Variants in NRXN3 observed in about 807,000 individuals in gnomAD.
The protein encoded by NRXN3 is neurexin 3, also known as neurexin III.
A neutral mutation model predicts 137.6 loss-of-function variants in NRXN3; 32 were observed. That is an observed-to-expected ratio of 0.23 (90% confidence interval 0.18 to 0.31). NRXN3 has a LOEUF of 0.31. NRXN3 is among the 10% of genes least tolerant of loss of function. The pLI is 1.00. For synonymous variants in NRXN3, 798 were observed against 784.5 expected (o/e 1.02, Z -0.29); for missense variants, 1,574 against 2,062.5 (o/e 0.76, Z 4.59).
At chr14:79,419,819 C>A (rs2095550177) in intron 15 of NRXN3, among the ~76,000 whole-genome samples, 1 of 152,172 alleles carries the variant, frequency 6.6e-6, no homozygotes, top group African/African-American at 2.4e-5. Context: ...GTAAACAACT[C>A]TGCACAGTAC....
chr14:78,740,273 C>T (rs1397862560), intron 8 of NRXN3, among the ~76,000 whole-genome samples: 1 of 152,170 alleles, frequency 6.6e-6, no homozygotes, highest in Non-Finnish European at 1.5e-5. Context: ...GTTAAACTGA[C>T]TCCATTTGCC....
intron 17 of NRXN3, among the ~76,000 whole-genome samples, chr14:79,670,568 T>C (rs898267783): frequency 6.6e-6 from 1 of 152,104 alleles, no homozygotes; most frequent in Non-Finnish European, 1.5e-5. Context: ...AAGAAAGTAC[T>C]GGCTAGAGGT....
intron 7 of NRXN3, among the ~76,000 whole-genome samples, chr14:78,711,227 G>A (rs1467633944): frequency 6.6e-6 from 1 of 151,650 alleles, no homozygotes; most frequent in Non-Finnish European, 1.5e-5. Context: ...CCTTACCCGT[G>A]TCTCAGGCAG....
At chr14:79,271,629 A>G (rs1598134750) in intron 15 of NRXN3, among the ~76,000 whole-genome samples, 1 of 146,742 alleles carries the variant, frequency 6.8e-6, no homozygotes, top group East Asian at 2.0e-4. Flanking sequence ...TCTGTATCCC[A>G]TGGAATACCT....
At chr14:78,478,822 A>G (rs897184646) in intron 4 of NRXN3, among the ~76,000 whole-genome samples, 1 of 152,226 alleles carries the variant, frequency 6.6e-6, no homozygotes, top group African/African-American at 2.4e-5. Flanking sequence ...TAGGAAGCTC[A>G]TAGCTGAAGG....
At chr14:78,691,548 T>G (rs2152771655) in intron 6 of NRXN3, among the ~76,000 whole-genome samples, 1 of 152,342 alleles carries the variant, frequency 6.6e-6, no homozygotes, top group South Asian at 2.1e-4. Flanking sequence ...CTTGGCTCTC[T>G]TTGTCCTGGA....
At chr14:78,673,484 A>G (rs1414307700) in intron 6 of NRXN3, among the ~76,000 whole-genome samples, 1 of 152,242 alleles carries the variant, frequency 6.6e-6, no homozygotes, top group African/African-American at 2.4e-5. Context: ...GTTCCAAAAC[A>G]CATGTCAAGT....
At chr14:78,600,939 C>T (rs2097196898) in intron 4 of NRXN3, among the ~76,000 whole-genome samples, 1 of 152,182 alleles carries the variant, frequency 6.6e-6, no homozygotes, top group Non-Finnish European at 1.5e-5. Context: ...CTCCTTTTGC[C>T]TTTTACCACG....
intron 4 of NRXN3, among the ~76,000 whole-genome samples, chr14:78,434,553 CCATATATCATA>C (rs1248118722): frequency 6.6e-6 from 1 of 152,046 alleles, no homozygotes; most frequent in Non-Finnish European, 1.5e-5. Flanking sequence ...ACTCATAGCA[CCATATATCATA>C]CATAATCATA....
chr14:78,318,382 C>T (rs1018784421), intron 4 of NRXN3, among the ~76,000 whole-genome samples: 3 of 152,198 alleles, frequency 2.0e-5, no homozygotes, highest in East Asian at 1.9e-4. Flanking sequence ...GCCTTGATCT[C>T]AGGCCTCCAC....
chr14:78,834,828 C>T (rs2098991814), intron 10 of NRXN3, among the ~76,000 whole-genome samples: 2 of 152,146 alleles, frequency 1.3e-5, no homozygotes, highest in African/African-American at 2.4e-5. Flanking sequence ...GCATGAAACA[C>T]TTGACCCTGC....
intron 8 of NRXN3, chr14:78,753,574 T>C (rs2098653427): frequency 6.6e-6 from 1 of 152,186 alleles, no homozygotes. Context: ...TGAATAATGA[T>C]GATAATGGCA....
At chr14:79,693,485 C>T (rs1692462040) in intron 18 of NRXN3, among the ~76,000 whole-genome samples, 1 of 151,684 alleles carries the variant, frequency 6.6e-6, no homozygotes, top group Non-Finnish European at 1.5e-5. Flanking sequence ...TCATAAAGTC[C>T]CTTTAACATT....
chr14:78,592,449 C>A (rs554247807), intron 4 of NRXN3, among the ~76,000 whole-genome samples: 11 of 152,164 alleles, frequency 7.2e-5, no homozygotes, highest in Non-Finnish European at 1.6e-4. Flanking sequence ...CCCAGGCATG[C>A]AGAATATTAC....
intron 4 of NRXN3, among the ~76,000 whole-genome samples, chr14:78,381,314 C>G (rs1425456618): frequency 1.3e-5 from 2 of 152,108 alleles, no homozygotes; most frequent in Non-Finnish European, 2.9e-5. Context: ...AAAACTTTTG[C>G]TTTAAGAGAA....
At chr14:79,370,614 G>A (rs936903914) in intron 15 of NRXN3, among the ~76,000 whole-genome samples, 3 of 152,082 alleles carry the variant, frequency 2.0e-5, no homozygotes, top group Admixed American at 6.5e-5. Context: ...CACCGTGCCT[G>A]GCCAAGTTTA....
At chr14:79,390,862 G>T (rs1023679044) in intron 15 of NRXN3, among the ~76,000 whole-genome samples, 29 of 152,264 alleles carry the variant, frequency 1.9e-4, no homozygotes, top group Admixed American at 7.8e-4. Context: ...GGTCATGAGG[G>T]CTCTGCCTTC....
At chr14:79,187,907 A>G (rs1008044670) in intron 15 of NRXN3, among the ~76,000 whole-genome samples, 1 of 152,226 alleles carries the variant, frequency 6.6e-6, no homozygotes, top group Admixed American at 6.5e-5. Context: ...CAGTTCCTGC[A>G]TAAAGCAGAG....
At chr14:78,843,044 T>A (rs1006410623) in intron 10 of NRXN3, among the ~76,000 whole-genome samples, 1 of 152,110 alleles carries the variant, frequency 6.6e-6, no homozygotes, top group African/African-American at 2.4e-5. Context: ...CCTCAGCTTA[T>A]GAAGATGATG....
Sources: gnomAD v4.1 joint callset for allele counts (sites outside exome capture counted in the v4.1 genomes callset) on GRCh38, gnomAD v4.1.1 for gene constraint, MANE v1.5 for transcripts, NCBI Gene and HGNC (gene_info 2026-07-23, HGNC 2026-07-21) for gene names.